TMPRSS3: variants seen among roughly 807,000 people sequenced by gnomAD.
TMPRSS3 encodes the protein transmembrane serine protease 3.
TMPRSS3 carries 55 observed loss-of-function variants against 59.6 expected under a neutral mutation model. The observed-to-expected ratio is 0.92, with a 90% CI of 0.74 to 1.16. The LOEUF is 1.16. TMPRSS3 is among the 50% of genes most tolerant of loss of function. The pLI is 0.00. For synonymous variants in TMPRSS3, 257 were observed against 237.7 expected, an observed-to-expected ratio of 1.08 and a Z score of -0.75; for missense variants, 596 against 579.4, an observed-to-expected ratio of 1.03 and a Z score of -0.29.
intron 5 of TMPRSS3, among the ~76,000 whole-genome samples, chr21:42,386,998 G>A (rs1038829990): frequency 7.2e-5 from 11 of 152,280 alleles, no homozygotes; most frequent in Admixed American, 2.0e-4. Flanking sequence ...GGGGGACATC[G>A]CATTCCCTGG....
At chr21:42,384,503 CA>C (rs2052591659) in intron 6 of TMPRSS3, among the ~76,000 whole-genome samples, 1 of 152,230 alleles carries the variant, frequency 6.6e-6, no homozygotes, top group Admixed American at 6.5e-5. Flanking sequence ...CTCCTACCCC[CA>C]CCCCCACACA....
At chr21:42,393,581 C>CA (rs2052761744) in intron 2 of TMPRSS3, among the ~76,000 whole-genome samples, 3 of 151,966 alleles carry the variant, frequency 2.0e-5, no homozygotes, top group South Asian at 4.2e-4. Flanking sequence ...AAATTACCCA[C>CA]AAAAAAGAAC....
At chr21:42,387,371 A>AATGTGTGTGT (rs112670296) in intron 5 of TMPRSS3, among the ~76,000 whole-genome samples, 1 of 147,092 alleles carries the variant, frequency 6.8e-6, no homozygotes, top group African/African-American at 2.5e-5. Flanking sequence ...AGCTGTGTGC[A>AATGTGTGTGT]GTGTGTGTGT....
chr21:42,384,085 A>G, intron 6 of TMPRSS3, 72 bp from the exon 7 acceptor site: 1 of 1,443,310 alleles, frequency 6.9e-7, no homozygotes, highest in East Asian at 2.3e-5. Flanking sequence ...TAAAAACTCA[A>G]TCTTAGGGTA....
chr21:42,375,096 G>T (rs2052398622), intron 12 of TMPRSS3, among the ~76,000 whole-genome samples: 1 of 152,066 alleles, frequency 6.6e-6, no homozygotes, highest in African/African-American at 2.4e-5. Context: ...TCCCAGCGAA[G>T]CCCTAAGCCT....
chr21:42,392,616 A>C (rs1181328325), intron 2 of TMPRSS3, among the ~76,000 whole-genome samples: 1 of 152,214 alleles, frequency 6.6e-6, no homozygotes, highest in Non-Finnish European at 1.5e-5. Context: ...TCTGAGACCA[A>C]GTCCTTCCAG....
rs372645278 is a variant in TMPRSS3 at position 42,390,055 on chromosome 21, G to A, written c.95-18C>T. The A allele has an allele frequency of 1.1e-5, 17 of 1,588,572 alleles. No homozygotes were observed. In the African/African-American group the frequency reaches 2.2e-4, roughly 20 times the overall value. On this transcript the variant is annotated intron_variant, in intron 2 of 12. Transcript: ENST00000644384. Reference sequence around the variant, plus strand: ...ATCTGCATCTGAAAACCAGAAAAAGGAAGAGCAGAAAGCCACAGAACCTGA... The same window carrying A: ...ATCTGCATCTGAAAACCAGAAAAAGAAAGAGCAGAAAGCCACAGAACCTGA...
chr21:42,393,599 A>G (rs1254870394), intron 2 of TMPRSS3, among the ~76,000 whole-genome samples: 1 of 152,256 alleles, frequency 6.6e-6, no homozygotes, highest in Non-Finnish European at 1.5e-5. Context: ...AACGGGTGAA[A>G]TAACAAATGA....
At chr21:42,377,475 C>G (rs1338684600) in intron 10 of TMPRSS3, among the ~76,000 whole-genome samples, 1 of 152,218 alleles carries the variant, frequency 6.6e-6, no homozygotes, top group Admixed American at 6.5e-5. Context: ...ACACTTGACG[C>G]CAGCGCCCTG....
intron 12 of TMPRSS3, among the ~76,000 whole-genome samples, chr21:42,375,343 G>T (rs1323955450): frequency 6.8e-6 from 1 of 147,924 alleles, no homozygotes; most frequent in African/African-American, 2.5e-5. Flanking sequence ...GTCCTCTCCC[G>T]CACTGTCTCA....
intron 12 of TMPRSS3, among the ~76,000 whole-genome samples, chr21:42,374,276 C>T (rs2052383213): frequency 6.6e-6 from 1 of 152,330 alleles, no homozygotes; most frequent in African/African-American, 2.4e-5. Context: ...GCACTTTCCA[C>T]CCAGCCCGAG....
chr21:42,389,970 A>C lies in TMPRSS3; in HGVS notation c.162T>G (p.Ile54Met). 6.2e-7 allele frequency: 1 copy of C among 1,614,120 alleles called. No homozygotes were observed. The change falls in exon 3 of 13, where the codon ATT (isoleucine) becomes ATG (methionine). Residue 54 changes from isoleucine to methionine, a missense_variant. By Grantham distance (10) the Ile-to-Met change is conservative. Transcript: ENST00000644384. ...LPLKFFPIIV[I>M]GIIALILALA... is the part of the protein sequence containing the mutation. ...GTGCTAATATCAATGCAATGATCCC[A>C]ATGACGATGATTGGAAAAAACTTCA...
chr21:42,374,316 C>T (rs1487819430), intron 12 of TMPRSS3, among the ~76,000 whole-genome samples: 3 of 152,240 alleles, frequency 2.0e-5, no homozygotes, highest in Non-Finnish European at 2.9e-5. Flanking sequence ...CGAGGGGGTG[C>T]TCAGGGCTGC....
chr21:42,377,250 C>T (rs969254279), intron 10 of TMPRSS3, among the ~76,000 whole-genome samples: 7 of 152,208 alleles, frequency 4.6e-5, no homozygotes, highest in Non-Finnish European at 1.5e-5. Flanking sequence ...GTGGACCTGA[C>T]GAAGTCACAG....
In TMPRSS3 at chr21:42,371,939, G is replaced by C; in HGVS notation, c.*823C>G. ...GAATCAAAGGACAATAATACGTCAA[G>C]CACCAAATGCTACAAAGAAATCATG... On this transcript the variant is annotated 3_prime_UTR_variant, in exon 13 of 13. Transcript: ENST00000644384. The C allele has an allele frequency of 2.2e-6, 1 of 454,648 alleles. No homozygotes were observed. Among genetic ancestry groups the C allele is most frequent in the Middle Eastern group, 6.9e-4 (1 of 1,444 alleles). The allele number at this position is 454,648 out of a possible 1,614,324, so 28.2% of individuals were successfully genotyped here. A position where few individuals can be genotyped will look rare whatever the true frequency, so the allele number is the denominator to read the frequency against.
chr21:42,390,622 G>C (rs2052720418), intron 2 of TMPRSS3, among the ~76,000 whole-genome samples: 1 of 152,202 alleles, frequency 6.6e-6, no homozygotes, highest in Non-Finnish European at 1.5e-5. Context: ...CAACTACTCA[G>C]GAGGCTGAGG....
Position 42,372,614 on chromosome 21 carries a change from G to A in TMPRSS3, c.*148C>T, listed in dbSNP as rs1189113483. 1 of 830,700 alleles carries A rather than the reference G, an allele frequency of 1.2e-6. No individual in the cohort carries two copies. The highest frequency in any genetic ancestry group is 1.7e-5 in the Admixed American group (1 of 58,692). 51.5% of individuals were successfully genotyped at this position (830,700 alleles called of 1,614,324 possible). Reference sequence around the variant, plus strand: ...AGGTTGTGCTGGAATCAGATGGAAGGGTGCCTCTTTCGGGCCTGCTACTGG... The same window carrying A: ...AGGTTGTGCTGGAATCAGATGGAAGAGTGCCTCTTTCGGGCCTGCTACTGG... On this transcript the variant is annotated 3_prime_UTR_variant, in exon 13 of 13. Coordinates refer to ENST00000644384, the MANE Select transcript of TMPRSS3 (RefSeq NM_001256317.3).
chr21:42,392,385 T>C (rs1206108636), intron 2 of TMPRSS3, among the ~76,000 whole-genome samples: 3 of 151,924 alleles, frequency 2.0e-5, no homozygotes, highest in Non-Finnish European at 4.4e-5. Context: ...AGCAGGGAAA[T>C]AGAAGCTGCA....
Position 42,372,841 on chromosome 21 carries a change from G to A in TMPRSS3, c.1345-62C>T, listed in dbSNP as rs2052358511. ...CTTCCAGCCATCCGTCCAACATGAT[G>A]ACGGAGCGGGCACCTGCATTTTGCC... On this transcript the variant is annotated intron_variant, in intron 12 of 12. Transcript: ENST00000644384. The A allele has an allele frequency of 2.5e-6, 4 of 1,597,054 alleles. No individual in the cohort carries two copies. In the Admixed American group the frequency reaches 6.7e-5, roughly 27 times the overall value.
Sources: gnomAD v4.1 joint callset for allele counts (sites outside exome capture counted in the v4.1 genomes callset) on GRCh38, gnomAD v4.1.1 for gene constraint, MANE v1.5 for transcripts, NCBI Gene and HGNC (gene_info 2026-07-23, HGNC 2026-07-21) for gene names.